EXTL3: variants seen among roughly 807,000 people sequenced by gnomAD.
EXTL3 encodes exostosin like glycosyltransferase 3.
A neutral mutation model predicts 69.3 loss-of-function variants in EXTL3; 27 were observed. That is an observed-to-expected ratio of 0.39 (90% confidence interval 0.29 to 0.54). EXTL3 has a LOEUF of 0.54. Among genes scored for constraint, EXTL3 ranks in the 20% least tolerant of loss-of-function variants. The pLI is 0.69. For synonymous variants in EXTL3, 511 were observed against 499.4 expected, an observed-to-expected ratio of 1.02 and a Z score of -0.31; for missense variants, 1,003 against 1,231.8, an observed-to-expected ratio of 0.81 and a Z score of 2.78.
At chr8:28,663,799 A>G (rs751501082) in intron 1 of EXTL3, among the ~76,000 whole-genome samples, 32 of 152,078 alleles carry the variant, frequency 2.1e-4, no homozygotes, top group Non-Finnish European at 4.3e-4. Context: ...ACTTTACAAG[A>G]CAGCGTTCTC....
At chr8:28,616,252 AG>A (rs1806329254) in intron 2 of EXTL3, among the ~76,000 whole-genome samples, 2 of 151,802 alleles carry the variant, frequency 1.3e-5, no homozygotes, top group Admixed American at 6.6e-5. Flanking sequence ...GAAATGGGGG[AG>A]GGGGTGAGGA....
At chr8:28,729,410 G>A (rs986413599) in intron 3 of EXTL3, among the ~76,000 whole-genome samples, 4 of 150,088 alleles carry the variant, frequency 2.7e-5, no homozygotes, top group Admixed American at 6.7e-5. Flanking sequence ...GCCTGGCCAA[G>A]ATGGTGAAAC....
Position 28,737,650 on chromosome 8 carries a change from CCTT to C in EXTL3, c.2412_2414del (p.Phe805del). On this transcript the variant is annotated inframe_deletion, in exon 5 of 7. Transcript: ENST00000220562. ...CTGTCCATGGTGCTGACAGGTGCTG[CCTT>C]CTTTCACAAGGTAAGAAAAAGCTGG... The C allele has an allele frequency of 6.2e-7, 1 of 1,614,132 alleles. No individual in the cohort carries two copies. The highest frequency in any genetic ancestry group is 8.5e-7 in the Non-Finnish European group (1 of 1,179,980).
rs781136425 is a variant in EXTL3 at position 28,716,245 on chromosome 8, G to A, written c.186G>A (p.Lys62=). Reference sequence around the variant, plus strand: ...TGGATGAGGCTGATGAGGCAGGCAAGCGGATTTTTGGTCCCCGGGTGGGGA... The same window carrying A: ...TGGATGAGGCTGATGAGGCAGGCAAACGGATTTTTGGTCCCCGGGTGGGGA... ...TTLDEADEAG[K]RIFGPRVGNE... The change falls in exon 3 of 7, where the codon AAG becomes AAA. Residue 62 remains lysine, a synonymous_variant. Coordinates refer to ENST00000220562, the MANE Select transcript of EXTL3 (RefSeq NM_001440.4). This position sits in a 1 kb window ranked among gnomAD's most constrained non-coding sequence, Gnocchi z 7.1. 1 of 1,614,248 alleles carries A rather than the reference G, an allele frequency of 6.2e-7. No homozygotes were observed. Among genetic ancestry groups the A allele is most frequent in the Non-Finnish European group, 8.5e-7 (1 of 1,180,048 alleles).
chr8:28,674,579 C>T (rs1009436414), intron 1 of EXTL3, among the ~76,000 whole-genome samples: 1 of 152,176 alleles, frequency 6.6e-6, no homozygotes, highest in Non-Finnish European at 1.5e-5. Context: ...TGCTGAAAGT[C>T]AAATGCAGAA....
intron 2 of EXTL3, among the ~76,000 whole-genome samples, chr8:28,613,843 G>A (rs555652488): frequency 7.2e-6 from 1 of 139,200 alleles, no homozygotes; most frequent in Admixed American, 7.2e-5. Context: ...CTAGTCACAG[G>A]TGTATTTTTT....
At chr8:28,633,700 G>A (rs1008208559) in intron 1 of EXTL3, among the ~76,000 whole-genome samples, 1 of 152,034 alleles carries the variant, frequency 6.6e-6, no homozygotes, top group Non-Finnish European at 1.5e-5. Flanking sequence ...TGTTTATAAG[G>A]TTTCCTTGGA....
chr8:28,750,095 A>C lies in EXTL3; in HGVS notation c.2551-562A>C. On this transcript the variant is annotated intron_variant, in intron 6 of 6. Coordinates refer to ENST00000220562, the MANE Select transcript of EXTL3 (RefSeq NM_001440.4). This position sits in a 1 kb window ranked among gnomAD's most constrained non-coding sequence, Gnocchi z 5.2. ...ATGCCATTCGGCCTGCCACATTGTAATGAAGCTGTCCCTCTTCATACTTTT... is the reference window on the plus strand; with the variant it reads ...ATGCCATTCGGCCTGCCACATTGTACTGAAGCTGTCCCTCTTCATACTTTT... Among the ~76,000 whole-genome samples, 1 of 152,208 alleles carries C rather than the reference A, an allele frequency of 6.6e-6. No homozygotes were observed. The highest frequency in any genetic ancestry group is 2.1e-4 in the South Asian group (1 of 4,836).
intron 1 of EXTL3, among the ~76,000 whole-genome samples, chr8:28,645,774 C>A (rs1049616178): frequency 1.3e-5 from 2 of 151,476 alleles, no homozygotes; most frequent in African/African-American, 4.9e-5. Flanking sequence ...AGCAATCTAC[C>A]CACCTTGGCC....
chr8:28,742,779 G>C, intron 5 of EXTL3: 1 of 268,846 alleles, frequency 3.7e-6, no homozygotes. Flanking sequence ...GTGTTCAATT[G>C]AACCAGCATC....
chr8:28,698,089 G>A (rs774767003), upstream of EXTL3: 1 of 152,190 alleles, frequency 6.6e-6, no homozygotes, highest in Non-Finnish European at 1.5e-5. Context: ...GAGTTATGGG[G>A]ATTTGGGAAC....
chr8:28,714,824 G>C (rs1801105695), intron 2 of EXTL3, among the ~76,000 whole-genome samples: 1 of 152,210 alleles, frequency 6.6e-6, no homozygotes, highest in Non-Finnish European at 1.5e-5. Context: ...CAGCAACGTG[G>C]TGCATTGCCG....
intron 2 of EXTL3, among the ~76,000 whole-genome samples, chr8:28,609,789 T>C (rs992234214): frequency 2.0e-5 from 3 of 150,082 alleles, no homozygotes; most frequent in African/African-American, 4.9e-5. Context: ...ACTTGGAAGG[T>C]TGAGGTGGGA....
intron 1 of EXTL3, 25 bp from the exon 2 acceptor site, chr8:28,713,431 GT>G: frequency 1.5e-6 from 1 of 666,600 alleles, no homozygotes. Flanking sequence ...TTCTATTTTT[GT>G]TTTTTGTTTT....
At chr8:28,746,832 C>T (rs1428985091) in intron 6 of EXTL3, among the ~76,000 whole-genome samples, 1 of 152,216 alleles carries the variant, frequency 6.6e-6, no homozygotes, top group South Asian at 2.1e-4. Context: ...TGTGCCACCA[C>T]GCCCCGCTAA....
chr8:28,700,498 G>A (rs1419356439), upstream of EXTL3: 1 of 152,126 alleles, frequency 6.6e-6, no homozygotes, highest in Non-Finnish European at 1.5e-5. Flanking sequence ...GAGTGGATAA[G>A]GTCGGCAGCT....
At chr8:28,669,303 A>G (rs1309492921) in intron 1 of EXTL3, among the ~76,000 whole-genome samples, 3 of 152,206 alleles carry the variant, frequency 2.0e-5, no homozygotes, top group Non-Finnish European at 4.4e-5. Flanking sequence ...TATCAAGGCC[A>G]TTGGAACACT....
At chr8:28,697,098 T>TA (rs1412048004), upstream of EXTL3, 1 of 152,258 alleles carries the variant, frequency 6.6e-6, no homozygotes, top group Non-Finnish European at 1.5e-5. Context: ...GACTTCTTTT[T>TA]ATGTGGTAAC....
At chr8:28,725,595 A>G (rs1801395686) in intron 3 of EXTL3, among the ~76,000 whole-genome samples, 1 of 152,206 alleles carries the variant, frequency 6.6e-6, no homozygotes, top group Admixed American at 6.5e-5. Context: ...TCATTCATTT[A>G]TAAAACATTT....
Sources: allele counts gnomAD v4.1 joint callset (sites outside exome capture counted in the v4.1 genomes callset), GRCh38; gene constraint gnomAD v4.1.1; non-coding constraint Gnocchi (gnomAD v3.1); transcripts MANE v1.5; gene names NCBI Gene and HGNC (gene_info 2026-07-23, HGNC 2026-07-21).